The following CDH18 variants were observed in gnomAD, a reference collection of about 807,000 sequenced individuals.
CDH18 encodes the protein cadherin 18.
Under a neutral mutation model 67.9 loss-of-function variants are expected in CDH18, and 31 were observed. The observed-to-expected ratio is 0.46, with a 90% CI of 0.34 to 0.62. The LOEUF is 0.62. Ranked by LOEUF, CDH18 falls within the 20% of genes least tolerant of loss-of-function variation. The pLI is 0.01. For missense variants in CDH18, 890 were observed against 975.5 expected (o/e 0.91, Z 1.17); for synonymous variants, 362 against 347.2 (o/e 1.04, Z -0.48).
intron 2 of CDH18, among the ~76,000 whole-genome samples, chr5:19,887,073 G>T (rs879844352): frequency 1.3e-5 from 2 of 151,656 alleles, no homozygotes; most frequent in Non-Finnish European, 1.5e-5. Context: ...TTGGCTTCAG[G>T]TGCCCACATG....
intron 2 of CDH18, among the ~76,000 whole-genome samples, chr5:20,037,016 G>A (rs545734192): frequency 5.3e-5 from 8 of 151,886 alleles, no homozygotes; most frequent in East Asian, 3.9e-4. Context: ...GTCTTTGCAC[G>A]TGACATGGGT....
intron 6 of CDH18, among the ~76,000 whole-genome samples, chr5:19,602,809 C>G (rs999868522): frequency 6.6e-6 from 1 of 151,816 alleles, no homozygotes; most frequent in East Asian, 1.9e-4. Flanking sequence ...ACTAAAAGTA[C>G]AAAAAATTAG....
At chr5:19,954,925 A>G (rs974194244) in intron 2 of CDH18, among the ~76,000 whole-genome samples, 2 of 151,970 alleles carry the variant, frequency 1.3e-5, no homozygotes, top group African/African-American at 4.8e-5. Flanking sequence ...ATAGTGAGTG[A>G]TATCTTTTGG....
intron 2 of CDH18, among the ~76,000 whole-genome samples, chr5:20,077,898 G>A (rs1461767184): frequency 6.6e-6 from 1 of 152,028 alleles, no homozygotes; most frequent in Non-Finnish European, 1.5e-5. Context: ...AATCCTGAGG[G>A]TTTTAAAAAT....
At chr5:19,759,356 C>T (rs1474368375) in intron 3 of CDH18, among the ~76,000 whole-genome samples, 6 of 152,120 alleles carry the variant, frequency 3.9e-5, no homozygotes, top group Admixed American at 6.5e-5. Context: ...ATATTTTCTT[C>T]GATTTACTAT....
intron 4 of CDH18, among the ~76,000 whole-genome samples, chr5:19,722,054 T>A (rs1419820943): frequency 6.6e-6 from 1 of 152,092 alleles, no homozygotes; most frequent in Non-Finnish European, 1.5e-5. Flanking sequence ...TGTTTTTGTT[T>A]GTTTGTTTCT....
intron 1 of CDH18, among the ~76,000 whole-genome samples, chr5:20,385,529 G>C (rs762669552): frequency 2.0e-5 from 3 of 152,144 alleles, no homozygotes; most frequent in Non-Finnish European, 4.4e-5. Flanking sequence ...GGGTGTCACA[G>C]AATTTGCAAC....
At chr5:19,816,819 T>G (rs977291858) in intron 3 of CDH18, among the ~76,000 whole-genome samples, 5 of 151,818 alleles carry the variant, frequency 3.3e-5, no homozygotes, top group Admixed American at 2.6e-4. Context: ...ACCAGTACCC[T>G]CATGGCTTAG....
chr5:20,366,676 T>C (rs1024763366), intron 1 of CDH18, among the ~76,000 whole-genome samples: 9 of 152,190 alleles, frequency 5.9e-5, no homozygotes, highest in African/African-American at 2.2e-4. Flanking sequence ...TCAACAGAGT[T>C]GTTGTAAAGA....
In CDH18 at chr5:19,980,994, A is replaced by T. The variant is rs527526373; in HGVS notation, c.-257+66T>A. 5.9e-5 allele frequency: 9 copies of T among 152,256 alleles called. No homozygotes were observed. In the East Asian group the frequency reaches 1.7e-3, roughly 29 times the overall value. The allele number at this position is 152,256 out of a possible 1,614,324, so 9.4% of individuals were successfully genotyped here. A position where few individuals can be genotyped will look rare whatever the true frequency, so the allele number is the denominator to read the frequency against. ...TCCTTTCACATCACTTTCCCCCATCAGACTTATATCTTAAGCAGTATCACA... is the reference window on the plus strand; with the variant it reads ...TCCTTTCACATCACTTTCCCCCATCTGACTTATATCTTAAGCAGTATCACA... On this transcript the variant is annotated intron_variant, in intron 2 of 12. Coordinates refer to ENST00000382275, the MANE Select transcript of CDH18 (RefSeq NM_004934.5).
chr5:20,179,856 C>T (rs1737545991), intron 2 of CDH18, among the ~76,000 whole-genome samples: 2 of 151,956 alleles, frequency 1.3e-5, no homozygotes, highest in African/African-American at 2.4e-5. Context: ...GATTGAGCAC[C>T]AATAGGTTCT....
At chr5:20,130,424 C>T (rs1317822552) in intron 2 of CDH18, among the ~76,000 whole-genome samples, 3 of 147,398 alleles carry the variant, frequency 2.0e-5, no homozygotes, top group African/African-American at 5.1e-5. Context: ...TTTTCACTTA[C>T]GACTTTCAAC....
intron 2 of CDH18, among the ~76,000 whole-genome samples, chr5:19,922,960 T>A (rs1216187316): frequency 2.0e-5 from 3 of 152,164 alleles, no homozygotes; most frequent in Non-Finnish European, 4.4e-5. Flanking sequence ...AAATTTAGAT[T>A]CAATGGCATT....
intron 1 of CDH18, among the ~76,000 whole-genome samples, chr5:20,514,047 C>T (rs927376112): frequency 6.6e-5 from 10 of 152,072 alleles, no homozygotes; most frequent in Admixed American, 2.0e-4. Flanking sequence ...TATTATAAAA[C>T]TTCTTTCCAC....
chr5:19,787,490 A>G (rs1775930619), intron 3 of CDH18, among the ~76,000 whole-genome samples: 1 of 152,112 alleles, frequency 6.6e-6, no homozygotes, highest in African/African-American at 2.4e-5. Flanking sequence ...AAGTCTTTTA[A>G]TCTTTTAATA....
At chr5:20,543,524 T>C (rs1757172085) in intron 1 of CDH18, among the ~76,000 whole-genome samples, 2 of 152,144 alleles carry the variant, frequency 1.3e-5, no homozygotes, top group Non-Finnish European at 2.9e-5. Context: ...TTTATGCCTT[T>C]AGCATGGTAT....
chr5:19,855,464 C>T (rs1365496515), intron 2 of CDH18, among the ~76,000 whole-genome samples: 1 of 151,942 alleles, frequency 6.6e-6, no homozygotes, highest in Non-Finnish European at 1.5e-5. Flanking sequence ...AGGAAGGAGC[C>T]TTTTCTCTGT....
chr5:19,602,776 C>T (rs1747349421), intron 6 of CDH18, among the ~76,000 whole-genome samples: 1 of 151,974 alleles, frequency 6.6e-6, no homozygotes, highest in Non-Finnish European at 1.5e-5. Context: ...TCAGCCTGGC[C>T]AACATGATAA....
chr5:20,554,390 T>C (rs551358544), intron 1 of CDH18, among the ~76,000 whole-genome samples: 1 of 152,362 alleles, frequency 6.6e-6, no homozygotes, highest in Admixed American at 6.5e-5. Context: ...TATTATTCTT[T>C]ATCTTCAATA....
Sources: gnomAD v4.1 joint callset for allele counts (sites outside exome capture counted in the v4.1 genomes callset) on GRCh38, gnomAD v4.1.1 for gene constraint, MANE v1.5 for transcripts, NCBI Gene and HGNC (gene_info 2026-07-23, HGNC 2026-07-21) for gene names.